SEMA3C: variants seen among roughly 807,000 people sequenced by gnomAD.
SEMA3C encodes semaphorin 3C.
A neutral mutation model predicts 89.4 loss-of-function variants in SEMA3C; 47 were observed. The observed-to-expected ratio is 0.53, with a 90% CI of 0.42 to 0.67. The LOEUF (loss-of-function observed/expected upper bound fraction) is 0.67. Ranked by LOEUF, SEMA3C falls within the 30% of genes least tolerant of loss-of-function variation. SEMA3C has a pLI of 0.00. For missense variants in SEMA3C, 839 were observed against 929.1 expected (o/e 0.90, Z 1.26); for synonymous variants, 310 against 320.2 (o/e 0.97, Z 0.34).
intron 2 of SEMA3C, among the ~76,000 whole-genome samples, chr7:80,895,322 C>T (rs752855658): frequency 2.6e-5 from 4 of 152,186 alleles, no homozygotes; most frequent in African/African-American, 4.8e-5. Flanking sequence ...GGAAGCCAGC[C>T]GACTACCACT....
At position 80,758,405 on chromosome 7, in the gene SEMA3C, G is replaced by A. The variant is rs1249824840; in HGVS notation, c.1569C>T (p.Asp523=). 1 of 1,614,114 alleles carries A rather than the reference G, an allele frequency of 6.2e-7. No individual in the cohort carries two copies. Among genetic ancestry groups the A allele is most frequent in the Non-Finnish European group, 8.5e-7 (1 of 1,180,012 alleles). Residue 523 remains aspartate (D), a synonymous_variant, in exon 15 of 18, where the codon GAC becomes GAT. Coordinates refer to ENST00000265361, the MANE Select transcript of SEMA3C (RefSeq NM_006379.5). ...AATAAGGGTCCCGCGCCAGGCAGCA[G>A]TCAGCACAGGCTGTACCATAGATGT... The part of the protein sequence containing the change: ...RCHIYGTACA[D]CCLARDPYCA...
In SEMA3C at chr7:80,872,797, C is replaced by CTCA. The variant is rs1491206589; in HGVS notation, c.103+43881_103+43882insTGA. 7.5e-5 allele frequency among the ~76,000 whole-genome samples: 3 copies of CTCA among 40,100 alleles called. 1 individual carries two copies. Among genetic ancestry groups the CTCA allele is most frequent in the African/African-American group, 2.5e-4 (3 of 11,844 alleles). The allele number at this position is 40,100 out of a possible 152,430, so 26.3% of individuals were successfully genotyped here. On this transcript the variant is annotated intron_variant, in intron 2 of 17. Coordinates refer to ENST00000265361, the MANE Select transcript of SEMA3C (RefSeq NM_006379.5). Reference sequence around the variant, plus strand: ...GCCTGGCAACAGAGCGAGACTCTGTCAAAAAAAAAAAAAAAAAAAAAAAAG... The same window carrying CTCA: ...GCCTGGCAACAGAGCGAGACTCTGTCTCAAAAAAAAAAAAAAAAAAAAAAAAAG...
intron 2 of SEMA3C, among the ~76,000 whole-genome samples, chr7:80,860,820 G>C (rs1416281387): frequency 6.6e-6 from 1 of 152,164 alleles, no homozygotes; most frequent in Admixed American, 6.5e-5. Flanking sequence ...CATAAAGACA[G>C]GTGTGGGGTT....
At chr7:80,816,650 G>A (rs1789614243) in intron 5 of SEMA3C, among the ~76,000 whole-genome samples, 1 of 152,090 alleles carries the variant, frequency 6.6e-6, no homozygotes, top group South Asian at 2.1e-4. Flanking sequence ...AACTATCAAG[G>A]ACTACATTTT....
At chr7:80,810,852 A>C (rs750611415) in intron 5 of SEMA3C, 151 bp from the exon 6 acceptor site, 1 of 631,088 alleles carries the variant, frequency 1.6e-6, no homozygotes, top group Non-Finnish European at 2.8e-6. Context: ...AGATTTACTC[A>C]AACTATGAGA....
chr7:80,750,111 G>C (rs1787890334), intron 16 of SEMA3C, among the ~76,000 whole-genome samples: 1 of 151,928 alleles, frequency 6.6e-6, no homozygotes, highest in African/African-American at 2.4e-5. Context: ...AGACTCAAAA[G>C]GATTAGAAAT....
intron 2 of SEMA3C, among the ~76,000 whole-genome samples, chr7:80,905,359 C>T (rs1394787963): frequency 7.1e-6 from 1 of 140,918 alleles, no homozygotes; most frequent in African/African-American, 2.7e-5. Context: ...AGAGAGACAC[C>T]AAGACCCCTA....
At chr7:80,829,067 T>C (rs765238855) in intron 2 of SEMA3C, among the ~76,000 whole-genome samples, 2 of 152,020 alleles carry the variant, frequency 1.3e-5, no homozygotes, top group Non-Finnish European at 2.9e-5. Flanking sequence ...CTTTGGAGGC[T>C]GAGGTGGGAG....
chr7:80,764,265 T>C (rs1205124222), intron 13 of SEMA3C, among the ~76,000 whole-genome samples: 1 of 152,184 alleles, frequency 6.6e-6, no homozygotes, highest in Admixed American at 6.5e-5. Flanking sequence ...CTGACTCTGG[T>C]CTTTTGTTGT....
intron 2 of SEMA3C, among the ~76,000 whole-genome samples, chr7:80,855,416 G>A (rs1165480019): frequency 6.6e-6 from 1 of 152,076 alleles, no homozygotes; most frequent in African/African-American, 2.4e-5. Flanking sequence ...GACTACAGGT[G>A]AGCACTACCA....
chr7:80,858,533 C>T (rs1404598385), intron 2 of SEMA3C, among the ~76,000 whole-genome samples: 2 of 152,106 alleles, frequency 1.3e-5, no homozygotes, highest in Admixed American at 6.6e-5. Context: ...TGTAAAACCA[C>T]AGACATTTTG....
intron 2 of SEMA3C, among the ~76,000 whole-genome samples, chr7:80,865,732 T>C (rs890011620): frequency 1.3e-5 from 2 of 152,052 alleles, no homozygotes; most frequent in Non-Finnish European, 2.9e-5. Flanking sequence ...GAGGGGGGGT[T>C]ACAGTGAGCA....
In SEMA3C at chr7:80,864,069, C is replaced by T. The variant is rs967571360; in HGVS notation, c.104-35324G>A. Among the ~76,000 whole-genome samples, 3 of 151,578 alleles carry T rather than the reference C, an allele frequency of 2.0e-5. 1 individual carries two copies. The highest frequency in any genetic ancestry group is 6.9e-3 in the Middle Eastern group (2 of 290). ...ACAGACTACTACTCAGCCATAAAAA[C>T]GAATGAATTAACAGCATTGGCAGCA... On this transcript the variant is annotated intron_variant, in intron 2 of 17. Transcript: ENST00000265361.
intron 16 of SEMA3C, among the ~76,000 whole-genome samples, chr7:80,749,388 G>A (rs1178978909): frequency 6.6e-6 from 1 of 152,144 alleles, no homozygotes; most frequent in Non-Finnish European, 1.5e-5. Context: ...AACTGAGGCT[G>A]TGAGTTATGA....
At chr7:80,878,196 G>A (rs931790858) in intron 2 of SEMA3C, among the ~76,000 whole-genome samples, 2 of 152,042 alleles carry the variant, frequency 1.3e-5, no homozygotes, top group African/African-American at 2.4e-5. Flanking sequence ...TGACCCACTC[G>A]GAGAAACCCC....
rs535692763 is a variant in SEMA3C, at chr7:80,912,129, C to G, written c.103+4550G>C. Among the ~76,000 whole-genome samples, 13 of 152,230 alleles carry G rather than the reference C, an allele frequency of 8.5e-5. No homozygotes were observed. The South Asian group carries it at 2.7e-3, about 32-fold the overall frequency. On this transcript the variant is annotated intron_variant, in intron 2 of 17. Transcript: ENST00000265361. ...CTTATTATAATCTGATGAAACTCAC[C>G]TGGAACAGTAATTACTTTTTTAAAC...
chr7:80,769,864 CAAAAAAAAAA>C (rs1293174938), intron 12 of SEMA3C, among the ~76,000 whole-genome samples: 3 of 46,660 alleles, frequency 6.4e-5, no homozygotes, highest in African/African-American at 3.0e-4. Flanking sequence ...GTCCCCCCCC[CAAAAAAAAAA>C]AAAAAAAAAA....
intron 2 of SEMA3C, among the ~76,000 whole-genome samples, chr7:80,913,198 C>T (rs1246761792): frequency 5.3e-5 from 8 of 151,994 alleles, no homozygotes; most frequent in Non-Finnish European, 8.8e-5. Context: ...GTCAGGAGTT[C>T]GAGACCAGCC....
intron 15 of SEMA3C, among the ~76,000 whole-genome samples, chr7:80,756,397 T>C (rs572155575): frequency 3.4e-4 from 52 of 152,126 alleles, no homozygotes; most frequent in African/African-American, 1.2e-3. Context: ...ACGAAGACAG[T>C]AGCCTCCTGT....
Sources: allele counts gnomAD v4.1 joint callset (sites outside exome capture counted in the v4.1 genomes callset), GRCh38; gene constraint gnomAD v4.1.1; transcripts MANE v1.5; gene names NCBI Gene and HGNC (gene_info 2026-07-23, HGNC 2026-07-21).